Variants in UBE2W observed in about 807,000 individuals in gnomAD.
The protein encoded by UBE2W is ubiquitin-conjugating enzyme E2 W.
UBE2W carries 18 observed loss-of-function variants against 27.2 expected under a neutral mutation model. The observed-to-expected ratio is 0.66, with a 90% CI of 0.46 to 0.98. The LOEUF (loss-of-function observed/expected upper bound fraction) is 0.98. UBE2W is among the 50% of genes least tolerant of loss of function. UBE2W has a pLI of 0.00. For missense variants in UBE2W, 90 were observed against 180.2 expected, an observed-to-expected ratio of 0.50 and a Z score of 2.87; for synonymous variants, 53 against 57.2, an observed-to-expected ratio of 0.93 and a Z score of 0.33.
chr8:73,868,252 A>G (rs1811860438), intron 1 of UBE2W, among the ~76,000 whole-genome samples: 1 of 152,182 alleles, frequency 6.6e-6, no homozygotes, highest in Admixed American at 6.6e-5. Flanking sequence ...CAATGATTTA[A>G]TCAATCATGC....
At chr8:73,855,185 A>G (rs1027896729) in intron 1 of UBE2W, among the ~76,000 whole-genome samples, 4 of 152,208 alleles carry the variant, frequency 2.6e-5, no homozygotes, top group African/African-American at 9.6e-5. Context: ...GTATTGCACT[A>G]AAACACAATG....
Position 73,788,810 on chromosome 8 carries a change from G to A in UBE2W, c.*5292C>T, listed in dbSNP as rs920533260. The A allele has an allele frequency of 1.5e-5, 15 of 985,290 alleles. No individual in the cohort carries two copies. The highest frequency in any genetic ancestry group is 1.8e-5 in the Non-Finnish European group (15 of 829,918). 61.0% of individuals were successfully genotyped at this position (985,290 alleles called of 1,614,324 possible). ...AAACCCAGAGAGTGTATGTGCCAAG[G>A]ACTAGAACAAGAATTGGATCTCTCC... On this transcript the variant is annotated 3_prime_UTR_variant, in exon 6 of 6. Coordinates refer to ENST00000602593, the MANE Select transcript of UBE2W (RefSeq NM_018299.6).
chr8:73,850,971 C>T (rs1811053258), intron 1 of UBE2W, among the ~76,000 whole-genome samples: 1 of 151,822 alleles, frequency 6.6e-6, no homozygotes, highest in East Asian at 1.9e-4. Context: ...GTAATCTTCC[C>T]ACCTCAGCCT....
chr8:73,832,136 A>AATATATATATATATATATATATAT lies in UBE2W; in HGVS notation c.16-1665_16-1664insATATATATATATATATATATATAT, dbSNP rs111764105. Among the ~76,000 whole-genome samples the AATATATATATATATATATATATAT allele has an allele frequency of 4.8e-3, 690 of 145,232 alleles. 10 individuals are homozygous for AATATATATATATATATATATATAT. Among genetic ancestry groups the AATATATATATATATATATATATAT allele is most frequent in the African/African-American group, 0.017 (628 of 37,654 alleles). ...AACAAACAAACAAAAAAAATAAATA[A>AATATATATATATATATATATATAT]ATATATATATATATATTAGCCAGGT... On this transcript the variant is annotated intron_variant, in intron 1 of 5. Transcript: ENST00000602593.
At chr8:73,823,567 G>A (rs553468404) in intron 3 of UBE2W, among the ~76,000 whole-genome samples, 1 of 152,308 alleles carries the variant, frequency 6.6e-6, no homozygotes, top group Admixed American at 6.5e-5. Flanking sequence ...CACATTTACA[G>A]TCAGAAATGA....
chr8:73,840,440 T>C (rs1370778774), intron 1 of UBE2W, among the ~76,000 whole-genome samples: 1 of 152,156 alleles, frequency 6.6e-6, no homozygotes, highest in Non-Finnish European at 1.5e-5. Context: ...ATTTTGAAAA[T>C]TAAAGCACAA....
Position 73,822,620 on chromosome 8 carries a change from A to T in UBE2W, c.210+2527T>A, listed in dbSNP as rs998508539. Among the ~76,000 whole-genome samples, 1,351 of 147,292 alleles carry T rather than the reference A, an allele frequency of 9.2e-3. 39 individuals are homozygous for T. The highest frequency in any genetic ancestry group is 0.031 in the African/African-American group (1,237 of 40,262). On this transcript the variant is annotated intron_variant, in intron 3 of 5. Coordinates refer to ENST00000602593, the MANE Select transcript of UBE2W (RefSeq NM_018299.6). Reference sequence around the variant, plus strand: ...GCAACTGCAAAAAAAAAAAAAAAAAAAAAAAAAAAAAAAATTAGCTGGGTG... The same window carrying T: ...GCAACTGCAAAAAAAAAAAAAAAAATAAAAAAAAAAAAAATTAGCTGGGTG...
chr8:73,792,736 A>C lies in UBE2W; in HGVS notation c.*1366T>G, dbSNP rs139588139. 2,085 of 985,298 alleles carry C rather than the reference A, an allele frequency of 2.1e-3. 2 individuals are homozygous for C. Among genetic ancestry groups the C allele is most frequent in the Non-Finnish European group, 2.4e-3 (1,988 of 829,426 alleles). 61.0% of individuals were successfully genotyped at this position (985,298 alleles called of 1,614,324 possible). On this transcript the variant is annotated 3_prime_UTR_variant, in exon 6 of 6. Coordinates refer to ENST00000602593, the MANE Select transcript of UBE2W (RefSeq NM_018299.6). ...ATACATTAATCACTTTTTAAAAAGA[A>C]CTTAGTTGTAGTATCATTAACTCAC...
In UBE2W at chr8:73,786,951, C is replaced by T. The variant is rs917762955; in HGVS notation, c.*7151G>A. 6.1e-6 allele frequency: 6 copies of T among 985,324 alleles called. No homozygotes were observed. In the African/African-American group the frequency reaches 1.0e-4, roughly 17 times the overall value. 61.0% of individuals were successfully genotyped at this position (985,324 alleles called of 1,614,324 possible). ...TGTTGAATTGGCTATCTGCAGGATACAGCCATCTATATTAGGATCTTGTCT... is the reference window on the plus strand; with the variant it reads ...TGTTGAATTGGCTATCTGCAGGATATAGCCATCTATATTAGGATCTTGTCT... On this transcript the variant is annotated 3_prime_UTR_variant, in exon 6 of 6. Coordinates refer to ENST00000602593, the MANE Select transcript of UBE2W (RefSeq NM_018299.6).
intron 1 of UBE2W, among the ~76,000 whole-genome samples, chr8:73,877,520 A>G (rs1812282429): frequency 6.6e-6 from 1 of 152,216 alleles, no homozygotes; most frequent in African/African-American, 2.4e-5. Context: ...GCAAAGCTAT[A>G]TTTGTACAAA....
intron 1 of UBE2W, among the ~76,000 whole-genome samples, chr8:73,873,271 TCTAA>T (rs1431288557): frequency 2.0e-5 from 3 of 152,266 alleles, no homozygotes; most frequent in Non-Finnish European, 2.9e-5. Flanking sequence ...AGACGTCGTA[TCTAA>T]CTGTCAAGGC....
At chr8:73,845,934 A>C (rs1380602192) in intron 1 of UBE2W, among the ~76,000 whole-genome samples, 3 of 152,226 alleles carry the variant, frequency 2.0e-5, no homozygotes, top group African/African-American at 7.2e-5. Context: ...GTGCAGACAA[A>C]AGTTTTACTA....
rs1808140841 is a variant in UBE2W at position 73,790,379 on chromosome 8, A to G, written c.*3723T>C. 1.0e-6 allele frequency: 1 copy of G among 985,340 alleles called. No individual in the cohort carries two copies. 61.0% of individuals were successfully genotyped at this position (985,340 alleles called of 1,614,324 possible). A position where few individuals can be genotyped will look rare whatever the true frequency, so the allele number is the denominator to read the frequency against. ...GACACCTTCTTCACAGACCTCAATC[A>G]TGCACAGGCAGTAACGGCATTACTA... On this transcript the variant is annotated 3_prime_UTR_variant, in exon 6 of 6. Coordinates refer to ENST00000602593, the MANE Select transcript of UBE2W (RefSeq NM_018299.6).
intron 4 of UBE2W, 38 bp downstream of exon 4, chr8:73,810,436 G>A (rs756796009): frequency 7.7e-5 from 121 of 1,562,640 alleles, no homozygotes; most frequent in Middle Eastern, 4.6e-4. Flanking sequence ...CTAACTGAAA[G>A]AAGAGATATT....
Position 73,791,051 on chromosome 8 carries a change from C to CT in UBE2W, c.*3050dup. The CT allele has an allele frequency of 1.0e-6, 1 of 984,478 alleles. No individual in the cohort carries two copies. Among genetic ancestry groups the CT allele is most frequent in the Non-Finnish European group, 1.2e-6 (1 of 829,150 alleles). 61.0% of individuals were successfully genotyped at this position (984,478 alleles called of 1,614,324 possible). ...GATCTTTCTCCAGGTGAACTGCTGA[C>CT]TATATAGAAGCTATTTCCAGCACTT... On this transcript the variant is annotated 3_prime_UTR_variant, in exon 6 of 6. Transcript: ENST00000602593.
rs1807963332 is a variant in UBE2W, at chr8:73,786,538, G to A, written c.*7564C>T. On this transcript the variant is annotated 3_prime_UTR_variant, in exon 6 of 6. Transcript: ENST00000602593. The stretch of plus-strand genomic sequence containing the variant: ...GGATAGATGACTGGTAGGGAGAGAA[G>A]AAAGGACAAGGATGATAACCTTTCA... 1.0e-6 allele frequency: 1 copy of A among 985,338 alleles called. No homozygotes were observed. Among genetic ancestry groups the A allele is most frequent in the Admixed American group, 6.1e-5 (1 of 16,274 alleles). The allele number at this position is 985,338 out of a possible 1,614,324, so 61.0% of individuals were successfully genotyped here. A position where few individuals can be genotyped will look rare whatever the true frequency, so the allele number is the denominator to read the frequency against.
intron 3 of UBE2W, among the ~76,000 whole-genome samples, chr8:73,813,931 C>A (rs1177531150): frequency 4.6e-5 from 7 of 152,092 alleles, no homozygotes; most frequent in African/African-American, 1.7e-4. Context: ...TGGGGTTTTA[C>A]CACGTTGGCC....
At chr8:73,862,256 C>T (rs1161431528) in intron 1 of UBE2W, among the ~76,000 whole-genome samples, 4 of 152,190 alleles carry the variant, frequency 2.6e-5, no homozygotes, top group African/African-American at 7.2e-5. Context: ...TGGTGAAACC[C>T]TGTCTCTATT....
intron 1 of UBE2W, among the ~76,000 whole-genome samples, chr8:73,858,897 TG>T (rs1811419428): frequency 6.6e-6 from 1 of 150,734 alleles, no homozygotes; most frequent in African/African-American, 2.4e-5. Context: ...TGTGTGTGTG[TG>T]TGTGTGTGTG....
Sources: gnomAD v4.1 joint callset for allele counts (sites outside exome capture counted in the v4.1 genomes callset) on GRCh38, gnomAD v4.1.1 for gene constraint, MANE v1.5 for transcripts, NCBI Gene and HGNC (gene_info 2026-07-23, HGNC 2026-07-21) for gene names.